Variants in CFTR observed in about 807,000 individuals in gnomAD.
CFTR encodes the protein cystic fibrosis transmembrane conductance regulator.
In CFTR, 181 loss-of-function variants were observed where a neutral mutation model predicts 171.6. The observed-to-expected ratio is 1.05, with a 90% confidence interval of 0.93 to 1.19. The LOEUF (loss-of-function observed/expected upper bound fraction) is 1.19. Ranked by LOEUF, CFTR falls within the 50% of genes most tolerant of loss-of-function variation. The pLI, the probability that CFTR is intolerant of heterozygous loss-of-function variation, is 0.00. For synonymous variants in CFTR, 583 were observed against 608.0 expected (o/e 0.96, Z 0.60); for missense variants, 1,968 against 1,734.7 (o/e 1.13, Z -2.39).
chr7:117,661,503 G>A (rs1197252964), intron 24 of CFTR, among the ~76,000 whole-genome samples: 1 of 152,152 alleles, frequency 6.6e-6, no homozygotes, highest in Non-Finnish European at 1.5e-5. Context: ...TATATGACTG[G>A]TGTGAATCTA....
At chr7:117,649,495 G>T (rs1326814833) in intron 23 of CFTR, among the ~76,000 whole-genome samples, 2 of 138,516 alleles carry the variant, frequency 1.4e-5, no homozygotes, top group African/African-American at 5.7e-5. Context: ...GTGTGTGTGT[G>T]TGTATATATA....
Position 117,566,248 on chromosome 7 carries a change from AACAC to A in CFTR, c.1584+6628_1584+6631del, listed in dbSNP as rs71314621. Among the ~76,000 whole-genome samples, 1,049 of 138,832 alleles carry A rather than the reference AACAC, an allele frequency of 7.6e-3. 11 individuals are homozygous for A. Among genetic ancestry groups the A allele is most frequent in the South Asian group, 0.03 (124 of 4,132 alleles). 91.1% of individuals were successfully genotyped at this position (138,832 alleles called of 152,430 possible). ...CAGGAGTTCAAGACCAGCCTACTAA[AACAC>A]ACACACACACACACACACACACACA... On this transcript the variant is annotated intron_variant, in intron 11 of 26. Transcript: ENST00000003084.
rs542228646 is a variant in CFTR at position 117,636,581 on chromosome 7, G to GT, written c.3718-5848dup. ...TGTTTTGGATATTCTGTTTTTTTCAGTTTTTTTTTCCTTCGCATTTCAGTG... is the reference window on the plus strand; with the variant it reads ...TGTTTTGGATATTCTGTTTTTTTCAGTTTTTTTTTTCCTTCGCATTTCAGTG... On this transcript the variant is annotated intron_variant, in intron 22 of 26. Coordinates refer to ENST00000003084, the MANE Select transcript of CFTR (RefSeq NM_000492.4). Among the ~76,000 whole-genome samples the GT allele has an allele frequency of 5.4e-3, 803 of 148,686 alleles. 9 individuals carry two copies. Among genetic ancestry groups the GT allele is most frequent in the South Asian group, 0.025 (117 of 4,658 alleles).
intron 8 of CFTR, 108 bp from the exon 9 acceptor site, chr7:117,541,908 T>C (rs1398092131): frequency 4.2e-6 from 2 of 473,266 alleles, no homozygotes; most frequent in Non-Finnish European, 7.7e-6. Context: ...TATTTCATTA[T>C]TAAAATTCAT....
chr7:117,612,040 T>TATATATAA (rs1792410503), intron 20 of CFTR, among the ~76,000 whole-genome samples: 3 of 75,008 alleles, frequency 4.0e-5, no homozygotes, highest in African/African-American at 1.7e-4. Flanking sequence ...TATATATATA[T>TATATATAA]ATATATATAT....
chr7:117,596,236 C>G (rs950516919), intron 15 of CFTR, among the ~76,000 whole-genome samples: 3 of 152,200 alleles, frequency 2.0e-5, no homozygotes, highest in African/African-American at 2.4e-5. Context: ...GCCCCGCACT[C>G]GGAGCAGCCG....
chr7:117,591,067 T>C (rs1467571745), intron 13 of CFTR, among the ~76,000 whole-genome samples: 1 of 152,112 alleles, frequency 6.6e-6, no homozygotes, highest in African/African-American at 2.4e-5. Context: ...GGAGAACAGT[T>C]ATTATACTCT....
chr7:117,504,424 A>C, intron 2 of CFTR, 61 bp downstream of exon 2: 1 of 877,916 alleles, frequency 1.1e-6, no homozygotes, highest in Admixed American at 1.9e-5. Flanking sequence ...TATTTAGAGA[A>C]GAGAAAGCAA....
intron 25 of CFTR, among the ~76,000 whole-genome samples, chr7:117,665,151 G>A (rs1197417852): frequency 1.3e-5 from 2 of 152,146 alleles, no homozygotes; most frequent in Non-Finnish European, 2.9e-5. Flanking sequence ...ATTTGCCTTT[G>A]TATCCCATTT....
At chr7:117,629,367 A>C (rs986028627) in intron 22 of CFTR, among the ~76,000 whole-genome samples, 1 of 152,164 alleles carries the variant, frequency 6.6e-6, no homozygotes, top group Admixed American at 6.5e-5. Flanking sequence ...ACAGTCCTTC[A>C]TTTCACAAAT....
At chr7:117,622,670 G>A (rs1792601182) in intron 21 of CFTR, among the ~76,000 whole-genome samples, 1 of 152,096 alleles carries the variant, frequency 6.6e-6, no homozygotes, top group African/African-American at 2.4e-5. Flanking sequence ...CACATAGTTT[G>A]GGTGTTAATG....
At chr7:117,547,208 G>C (rs1413070307) in intron 9 of CFTR, among the ~76,000 whole-genome samples, 1 of 152,106 alleles carries the variant, frequency 6.6e-6, no homozygotes, top group African/African-American at 2.4e-5. Flanking sequence ...TGCCTTAAAA[G>C]AATTTTGAAA....
chr7:117,486,839 A>G (rs1365224527), intron 1 of CFTR, among the ~76,000 whole-genome samples: 1 of 125,912 alleles, frequency 7.9e-6, no homozygotes, highest in East Asian at 2.7e-4. Flanking sequence ...GTAAAAGAAA[A>G]GATGAGCTGA....
chr7:117,568,748 G>A (rs986877321), intron 11 of CFTR, among the ~76,000 whole-genome samples: 1 of 152,082 alleles, frequency 6.6e-6, no homozygotes, highest in East Asian at 1.9e-4. Context: ...TTGTGTGTAT[G>A]CAGTGAGAAC....
intron 1 of CFTR, among the ~76,000 whole-genome samples, chr7:117,494,011 T>C (rs1285038860): frequency 6.6e-6 from 1 of 152,116 alleles, no homozygotes; most frequent in Non-Finnish European, 1.5e-5. Context: ...AATCGACTGA[T>C]CATTTTTATC....
chr7:117,559,032 A>G (rs920746870), intron 10 of CFTR, among the ~76,000 whole-genome samples: 1 of 152,190 alleles, frequency 6.6e-6, no homozygotes, highest in Non-Finnish European at 1.5e-5. Flanking sequence ...TCTATTACTT[A>G]ATCTGTACCT....
intron 15 of CFTR, among the ~76,000 whole-genome samples, chr7:117,598,232 C>T (rs1792169107): frequency 6.6e-6 from 1 of 152,152 alleles, no homozygotes; most frequent in Admixed American, 6.5e-5. Flanking sequence ...ACATCTGTGG[C>T]TTGGATTCAG....
At chr7:117,566,399 C>T (rs1159169912) in intron 11 of CFTR, among the ~76,000 whole-genome samples, 1 of 152,060 alleles carries the variant, frequency 6.6e-6, no homozygotes, top group Non-Finnish European at 1.5e-5. Flanking sequence ...TGCGCCACTG[C>T]ACTCTAGCCT....
At chr7:117,663,606 G>A (rs1326545807) in intron 24 of CFTR, among the ~76,000 whole-genome samples, 1 of 151,284 alleles carries the variant, frequency 6.6e-6, no homozygotes, top group African/African-American at 2.4e-5. Flanking sequence ...CGTGTGATGG[G>A]CACACAGTTA....
Sources: allele counts gnomAD v4.1 joint callset (sites outside exome capture counted in the v4.1 genomes callset), GRCh38; gene constraint gnomAD v4.1.1; transcripts MANE v1.5; gene names NCBI Gene and HGNC (gene_info 2026-07-23, HGNC 2026-07-21).